The following ATP8A1 variants were observed in gnomAD, a reference collection of about 807,000 sequenced individuals.
The protein encoded by ATP8A1 is phospholipid-transporting ATPase IA.
In ATP8A1, 90 loss-of-function variants were observed where a neutral mutation model predicts 177.7. That is an observed-to-expected ratio of 0.51 (90% CI 0.43 to 0.60). The LOEUF (loss-of-function observed/expected upper bound fraction) is 0.60, where lower values mean the gene tolerates loss of function less well. Among genes scored for constraint, ATP8A1 ranks in the 20% least tolerant of loss-of-function variants. The probability of loss-of-function intolerance (pLI) is 0.00; values close to 1 mark genes in which losing one functional copy is unlikely to be tolerated. For missense variants in ATP8A1, 1,072 were observed against 1,392.8 expected (o/e 0.77, Z 3.67); for synonymous variants, 493 against 485.9 (o/e 1.01, Z -0.19).
At chr4:42,575,296 T>C (rs1732332601) in intron 13 of ATP8A1, among the ~76,000 whole-genome samples, 1 of 152,250 alleles carries the variant, frequency 6.6e-6, no homozygotes, top group South Asian at 2.1e-4. Context: ...TTTTCCTCCC[T>C]TCCTGGCTGA....
chr4:42,455,635 A>G lies in ATP8A1; in HGVS notation c.2620-36T>C, dbSNP rs748465225. ...AAACCCAAAACCCCCAAATTAGAAT[A>G]CAAAAGCATAAATGCATTGCTTAGA... On this transcript the variant is annotated intron_variant, in intron 27 of 36. Coordinates refer to ENST00000381668, the MANE Select transcript of ATP8A1 (RefSeq NM_006095.2). The G allele has an allele frequency of 3.1e-6, 5 of 1,590,386 alleles. No homozygotes were observed. In the East Asian group the frequency reaches 6.7e-5, roughly 21 times the overall value.
chr4:42,628,517 G>A (rs1480266762), intron 1 of ATP8A1, among the ~76,000 whole-genome samples: 3 of 152,034 alleles, frequency 2.0e-5, no homozygotes, highest in African/African-American at 7.2e-5. Context: ...AAGTAGGAGG[G>A]GCACAGGGTG....
chr4:42,641,803 C>T (rs1740020614), intron 1 of ATP8A1, among the ~76,000 whole-genome samples: 1 of 152,160 alleles, frequency 6.6e-6, no homozygotes, highest in African/African-American at 2.4e-5. Context: ...CATTTTATAA[C>T]ATACAAACAG....
intron 25 of ATP8A1, among the ~76,000 whole-genome samples, chr4:42,469,087 G>T (rs1433276947): frequency 6.6e-6 from 1 of 152,118 alleles, no homozygotes; most frequent in South Asian, 2.1e-4. Context: ...ATGGAGACCA[G>T]AATGTACTGA....
chr4:42,459,021 GA>G (rs1179051910), intron 27 of ATP8A1, among the ~76,000 whole-genome samples: 7 of 152,320 alleles, frequency 4.6e-5, no homozygotes, highest in Middle Eastern at 6.8e-3. Context: ...AACATCTGCA[GA>G]ACTTGTTTTA....
In ATP8A1 at chr4:42,635,710, C is replaced by G. The variant is rs147054245; in HGVS notation, c.50-8601G>C. Reference sequence around the variant, plus strand: ...TGTATTTGTATATATTGTTTTGATACAGAAGCTTAAGAATATATACATACA... The same window carrying G: ...TGTATTTGTATATATTGTTTTGATAGAGAAGCTTAAGAATATATACATACA... On this transcript the variant is annotated intron_variant, in intron 1 of 36. Coordinates refer to ENST00000381668, the MANE Select transcript of ATP8A1 (RefSeq NM_006095.2). Among the ~76,000 whole-genome samples the G allele has an allele frequency of 3.3e-3, 481 of 146,220 alleles. 4 individuals carry two copies. Among genetic ancestry groups the G allele is most frequent in the African/African-American group, 0.011 (456 of 40,098 alleles).
chr4:42,605,142 TC>T (rs1255146875), intron 5 of ATP8A1, among the ~76,000 whole-genome samples: 1 of 152,198 alleles, frequency 6.6e-6, no homozygotes, highest in Non-Finnish European at 1.5e-5. Flanking sequence ...CTGAACTGTA[TC>T]CTTCAACATG....
At chr4:42,429,197 T>A (rs1233615922) in intron 33 of ATP8A1, among the ~76,000 whole-genome samples, 1 of 152,164 alleles carries the variant, frequency 6.6e-6, no homozygotes, top group Non-Finnish European at 1.5e-5. Flanking sequence ...TAATTACGTA[T>A]TTTGGGGAGA....
chr4:42,485,845 T>C (rs1176474827), intron 24 of ATP8A1, among the ~76,000 whole-genome samples, 177 bp from the exon 25 acceptor site: 1 of 152,166 alleles, frequency 6.6e-6, no homozygotes, highest in African/African-American at 2.4e-5. Context: ...GCCTGCACAA[T>C]TGTTATCAGA....
At chr4:42,444,751 T>C (rs1717026460) in intron 31 of ATP8A1, 117 bp from the exon 32 acceptor site, 1 of 1,035,166 alleles carries the variant, frequency 9.7e-7, no homozygotes, top group South Asian at 1.5e-5. Context: ...AGGAGACTGC[T>C]GCTTGCTTTG....
rs751337554 is a variant in ATP8A1, at chr4:42,455,539, C to T, written c.2680G>A (p.Gly894Ser). The change falls in exon 28 of 37, where the codon GGT (glycine) becomes AGT (serine). Residue 894 changes from glycine (G) to serine (S), a missense_variant. Gly to Ser is a moderately conservative substitution (Grantham distance 56, BLOSUM62 0). Transcript: ENST00000381668. ...GQILFERWCI[G>S]LYNVMFTAMP... ...CCTAAACTTACCACGTTATAGAGAC[C>T]TATACACCATCTTTCAAAGAGGATC... The T allele has an allele frequency of 6.2e-7, 1 of 1,613,566 alleles. No individual in the cohort carries two copies. The highest frequency in any genetic ancestry group is 1.1e-5 in the South Asian group (1 of 91,006).
chr4:42,480,295 T>C (rs531177427), intron 25 of ATP8A1, among the ~76,000 whole-genome samples: 1 of 152,280 alleles, frequency 6.6e-6, no homozygotes, highest in African/African-American at 2.4e-5. Context: ...ATGATTATTA[T>C]GTTAAAGCAA....
chr4:42,509,418 C>T (rs1404913796), intron 22 of ATP8A1, among the ~76,000 whole-genome samples: 4 of 152,176 alleles, frequency 2.6e-5, no homozygotes, highest in Non-Finnish European at 5.9e-5. Context: ...CAACAGTCCC[C>T]GCTATAGCGG....
intron 29 of ATP8A1, among the ~76,000 whole-genome samples, chr4:42,454,993 GCCAGAGAA>G (rs1168353873): frequency 1.3e-5 from 2 of 152,208 alleles, no homozygotes; most frequent in South Asian, 2.1e-4. Flanking sequence ...AAGACAGAAG[GCCAGAGAA>G]CCAAAAGGAC....
intron 15 of ATP8A1, among the ~76,000 whole-genome samples, chr4:42,564,579 GT>G (rs1330735951): frequency 6.6e-6 from 1 of 152,198 alleles, no homozygotes; most frequent in Non-Finnish European, 1.5e-5. Context: ...TAGCTCCTTT[GT>G]TTTGGCCAAT....
chr4:42,504,838 T>C (rs929995390), intron 23 of ATP8A1, among the ~76,000 whole-genome samples: 28 of 152,248 alleles, frequency 1.8e-4, no homozygotes, highest in Admixed American at 1.3e-4. Flanking sequence ...GGAGGCCCCG[T>C]CCACCCTGGA....
intron 33 of ATP8A1, among the ~76,000 whole-genome samples, chr4:42,425,682 A>AG (rs1207902423): frequency 6.6e-6 from 1 of 151,592 alleles, no homozygotes; most frequent in African/African-American, 2.4e-5. Context: ...ACTCACAGGC[A>AG]GGTCAGCTGG....
intron 9 of ATP8A1, 100 bp downstream of exon 9, chr4:42,586,249 T>C (rs1379988784): frequency 1.8e-5 from 25 of 1,404,212 alleles, no homozygotes; most frequent in Non-Finnish European, 2.3e-5. Flanking sequence ...GGACTCAAAC[T>C]TAGCACACAA....
chr4:42,602,974 AAT>A (rs937926554), intron 5 of ATP8A1, among the ~76,000 whole-genome samples: 34 of 152,186 alleles, frequency 2.2e-4, no homozygotes, highest in African/African-American at 7.9e-4. Flanking sequence ...AAAACTGGTC[AAT>A]AGTGTCTAGA....
Sources: gnomAD v4.1 joint callset for allele counts (sites outside exome capture counted in the v4.1 genomes callset) on GRCh38, gnomAD v4.1.1 for gene constraint, MANE v1.5 for transcripts, NCBI Gene and HGNC (gene_info 2026-07-23, HGNC 2026-07-21) for gene names.